The following MAP7D1 variants were observed in gnomAD, a reference collection of about 807,000 sequenced individuals.
MAP7D1 encodes MAP7 domain containing 1, also known as MAP7 domain-containing protein 1.
In MAP7D1, 30 loss-of-function variants were observed where a neutral mutation model predicts 97.5. That is an observed-to-expected ratio of 0.31 (90% CI 0.23 to 0.42). The LOEUF (loss-of-function observed/expected upper bound fraction) is 0.42, where lower values mean the gene tolerates loss of function less well. Ranked by LOEUF, MAP7D1 falls within the 10% of genes least tolerant of loss-of-function variation. MAP7D1 has a pLI of 1.00. For missense variants in MAP7D1, 1,184 were observed against 1,179.5 expected (o/e 1.00, Z -0.06); for synonymous variants, 536 against 477.1 (o/e 1.12, Z -1.61).
intron 1 of MAP7D1, among the ~76,000 whole-genome samples, chr1:36,168,260 A>G (rs1409063427): frequency 6.8e-6 from 1 of 147,512 alleles, no homozygotes; most frequent in Non-Finnish European, 1.5e-5. Flanking sequence ...GCACCACTGC[A>G]CTCCAGCCTG....
At position 36,178,088 on chromosome 1, in the gene MAP7D1, G is replaced by C. The variant is rs1320551427; in HGVS notation, c.1595G>C (p.Arg532Thr). 8 of 1,606,252 alleles carry C rather than the reference G, an allele frequency of 5.0e-6. No homozygotes were observed. The highest frequency in any genetic ancestry group is 1.3e-5 in the African/African-American group (1 of 74,894). Residue 532 changes from arginine to threonine, a missense_variant, in exon 9 of 17, where the codon AGG (arginine) becomes ACG (threonine). Physicochemically the swap from Arg to Thr is moderately conservative, Grantham distance 71. Transcript: ENST00000474796. ...GPEDKSQSKRRASNEKESAAP... is the reference protein window; with the variant it reads ...GPEDKSQSKRTASNEKESAAP... ...GAGGACAAGAGCCAGAGCAAGCGCA[G>C]GGCCAGTAACGAGAAGGAGTCAGCA...
intron 1 of MAP7D1, among the ~76,000 whole-genome samples, chr1:36,170,761 C>G (rs981019909): frequency 6.6e-6 from 1 of 152,198 alleles, no homozygotes; most frequent in Non-Finnish European, 1.5e-5. Flanking sequence ...TGTCTGTCTG[C>G]CCTGCTAGAG....
chr1:36,171,169 C>T lies in MAP7D1; in HGVS notation c.245C>T (p.Pro82Leu), dbSNP rs138447994. 1.3e-4 allele frequency: 210 copies of T among 1,613,854 alleles called. No homozygotes were observed. Among genetic ancestry groups the T allele is most frequent in the Middle Eastern group, 3.3e-4 (2 of 6,084 alleles). ...SGQVGPRPAP[P>L]QEESPSSEAK... ...CAGGTCGGGCCTAGGCCAGCCCCCC[C>T]GCAGGAAGAGTCCCCTTCCTCTGAA... Residue 82 changes from proline to leucine, a missense_variant, in exon 2 of 17, where the codon CCG (proline) becomes CTG (leucine). Coordinates refer to ENST00000474796, the MANE Select transcript of MAP7D1 (RefSeq NM_001388490.1).
intron 6 of MAP7D1, among the ~76,000 whole-genome samples, chr1:36,175,262 CAGG>C (rs1644602567): frequency 6.6e-6 from 1 of 152,256 alleles, no homozygotes; most frequent in South Asian, 2.1e-4. Context: ...GGAAGCCTGG[CAGG>C]AGCCTCAAGA....
At chr1:36,171,416 A>G in intron 2 of MAP7D1, 97 bp from the exon 3 acceptor site, 1 of 1,556,364 alleles carries the variant, frequency 6.4e-7, no homozygotes, top group Non-Finnish European at 8.8e-7. Flanking sequence ...AGAGGAGATA[A>G]AGAAAGGATG....
In MAP7D1 at chr1:36,156,322, G is replaced by A. The variant is rs1443059769; in HGVS notation, c.-96G>A. 2.3e-5 allele frequency: 25 copies of A among 1,078,382 alleles called. No individual in the cohort carries two copies. Among genetic ancestry groups the A allele is most frequent in the East Asian group, 3.2e-5 (1 of 31,060 alleles). The allele number at this position is 1,078,382 out of a possible 1,614,324, so 66.8% of individuals were successfully genotyped here. A position where few individuals can be genotyped will look rare whatever the true frequency, so the allele number is the denominator to read the frequency against. On this transcript the variant is annotated 5_prime_UTR_variant, in exon 1 of 17. Coordinates refer to ENST00000474796, the MANE Select transcript of MAP7D1 (RefSeq NM_001388490.1). ...GAGTCGCTACTTGCCGGGCCGGGCCGGGCCGGGCGTGATGCGCCGCGGGAC... is the reference window on the plus strand; with the variant it reads ...GAGTCGCTACTTGCCGGGCCGGGCCAGGCCGGGCGTGATGCGCCGCGGGAC...
chr1:36,175,103 CCT>C lies in MAP7D1; in HGVS notation c.850+97_850+98del. On this transcript the variant is annotated intron_variant, in intron 6 of 16. Transcript: ENST00000474796. ...AGCAAGAACACCAGGTCCCTGGAGC[CCT>C]CACATACTCCAGGTCCCCATCCCCA... The C allele has an allele frequency of 4.1e-6, 3 of 732,608 alleles. 1 individual carries two copies. In the South Asian group the frequency reaches 5.0e-5, roughly 12 times the overall value. 45.4% of individuals were successfully genotyped at this position (732,608 alleles called of 1,614,324 possible).
rs147791510 is a variant in MAP7D1, at chr1:36,172,712, C to T, written c.624+85C>T. 9,644 of 1,315,468 alleles carry T rather than the reference C, an allele frequency of 7.3e-3. 60 individuals are homozygous for T. The highest frequency in any genetic ancestry group is 8.6e-3 in the Non-Finnish European group (8,632 of 1,002,012). 81.5% of individuals were successfully genotyped at this position (1,315,468 alleles called of 1,614,324 possible). On this transcript the variant is annotated intron_variant, in intron 4 of 16. Coordinates refer to ENST00000474796, the MANE Select transcript of MAP7D1 (RefSeq NM_001388490.1). ...CAGTGTGTACACACATCCATGTTCA[C>T]GGCTCTGCCTTATCTGTGTCTATGT...
intron 1 of MAP7D1, among the ~76,000 whole-genome samples, chr1:36,162,410 G>A (rs1199042507): frequency 6.6e-6 from 1 of 152,206 alleles, no homozygotes; most frequent in Non-Finnish European, 1.5e-5. Context: ...CTTCTTCAGA[G>A]AACACGCAGG....
At position 36,164,609 on chromosome 1, in the gene MAP7D1, GAGCA is replaced by G. The variant is rs1644451910; in HGVS notation, c.47-6358_47-6355del. 3.3e-5 allele frequency among the ~76,000 whole-genome samples: 5 copies of G among 152,168 alleles called. No individual in the cohort carries two copies. In the South Asian group the frequency reaches 1.0e-3, roughly 31 times the overall value. On this transcript the variant is annotated intron_variant, in intron 1 of 16. Coordinates refer to ENST00000474796, the MANE Select transcript of MAP7D1 (RefSeq NM_001388490.1). Reference sequence around the variant, plus strand: ...AAGGTCAGTGTGGCTGGAGTTCAGAGAGCAAGCGGGGAGCAGGGTAGGAGAGGAG... The same window carrying G: ...AAGGTCAGTGTGGCTGGAGTTCAGAGAGCGGGGAGCAGGGTAGGAGAGGAG...
At position 36,179,119 on chromosome 1, in the gene MAP7D1, C is replaced by T. The variant is rs181369088; in HGVS notation, c.2130+94C>T. On this transcript the variant is annotated intron_variant, in intron 12 of 16. Coordinates refer to ENST00000474796, the MANE Select transcript of MAP7D1 (RefSeq NM_001388490.1). ...GCTTAGAGCGGACAGGACGGGAAAG[C>T]GCTGGGGCAAATTCCAGTTCCTGTC... 1.9e-5 allele frequency: 28 copies of T among 1,488,144 alleles called. No individual in the cohort carries two copies. The African/African-American group carries it at 2.4e-4, about 13-fold the overall frequency. 92.2% of individuals were successfully genotyped at this position (1,488,144 alleles called of 1,614,324 possible). A position where few individuals can be genotyped will look rare whatever the true frequency, so the allele number is the denominator to read the frequency against.
At chr1:36,156,557 C>T in intron 1 of MAP7D1, 94 bp downstream of exon 1, 1 of 1,048,234 alleles carries the variant, frequency 9.5e-7, no homozygotes, top group Non-Finnish European at 1.3e-6. Context: ...GGGGACCCCT[C>T]CGCTGCCGCG....
In MAP7D1 at chr1:36,176,788, C is replaced by T. The variant is rs1355819979; in HGVS notation, c.1325C>T (p.Ser442Leu). 5 of 1,597,614 alleles carry T rather than the reference C, an allele frequency of 3.1e-6. No individual in the cohort carries two copies. The highest frequency in any genetic ancestry group is 3.5e-5 in the Admixed American group (2 of 57,346). Residue 442 changes from serine to leucine, a missense_variant, in exon 8 of 17, where the codon TCG becomes TTG. Coordinates refer to ENST00000474796, the MANE Select transcript of MAP7D1 (RefSeq NM_001388490.1). This position sits in a 1 kb window ranked among gnomAD's most constrained non-coding sequence, Gnocchi z 6.1. The part of the protein sequence containing the change: ...ARERSLKKRQ[S>L]LPASPRARLS... ...GAGCGCAGCCTCAAGAAGCGCCAGTCGCTGCCCGCCTCCCCACGTGCCCGC... is the reference window on the plus strand; with the variant it reads ...GAGCGCAGCCTCAAGAAGCGCCAGTTGCTGCCCGCCTCCCCACGTGCCCGC...
At chr1:36,177,688 G>A (rs1644647401) in intron 8 of MAP7D1, 185 bp from the exon 9 acceptor site, 2 of 894,652 alleles carry the variant, frequency 2.2e-6, no homozygotes, top group Non-Finnish European at 1.7e-6. Flanking sequence ...GAATCCCACA[G>A]AAACATGTCA....
Position 36,178,236 on chromosome 1 carries a change from G to A in MAP7D1, c.1708+35G>A, listed in dbSNP as rs924207815. 6 of 1,505,526 alleles carry A rather than the reference G, an allele frequency of 4.0e-6. 1 individual carries two copies. Among genetic ancestry groups the A allele is most frequent in the Non-Finnish European group, 1.8e-6 (2 of 1,124,780 alleles). 93.3% of individuals were successfully genotyped at this position (1,505,526 alleles called of 1,614,324 possible). ...AAGAGAGGGGAGGGGTGGGCCGAGC[G>A]AGAGAAGCCAGCTTCTCCTGTGTGG... On this transcript the variant is annotated intron_variant, in intron 9 of 16. Transcript: ENST00000474796.
intron 4 of MAP7D1, among the ~76,000 whole-genome samples, chr1:36,172,920 G>A (rs1378857180): frequency 6.6e-6 from 1 of 152,256 alleles, no homozygotes; most frequent in East Asian, 1.9e-4. Context: ...GCATCTGTGT[G>A]AGCGTGCCTA....
At chr1:36,162,471 G>T (rs1644426241) in intron 1 of MAP7D1, among the ~76,000 whole-genome samples, 1 of 152,182 alleles carries the variant, frequency 6.6e-6, no homozygotes, top group South Asian at 2.1e-4. Context: ...CATGACATAA[G>T]GGTTTTAAGG....
intron 1 of MAP7D1, among the ~76,000 whole-genome samples, chr1:36,162,349 C>T (rs766948011): frequency 1.2e-4 from 18 of 152,338 alleles, no homozygotes; most frequent in Middle Eastern, 3.4e-3. Flanking sequence ...CCCACCTGCA[C>T]CCTTCACTTT....
intron 1 of MAP7D1, among the ~76,000 whole-genome samples, chr1:36,168,051 C>T (rs1644494329): frequency 6.6e-6 from 1 of 152,164 alleles, no homozygotes; most frequent in Non-Finnish European, 1.5e-5. Flanking sequence ...AATCCCAGCA[C>T]TTTGGGAGGC....
Sources: gnomAD v4.1 joint callset for allele counts (sites outside exome capture counted in the v4.1 genomes callset) on GRCh38, gnomAD v4.1.1 for gene constraint, Gnocchi (gnomAD v3.1) non-coding constraint, MANE v1.5 for transcripts, NCBI Gene and HGNC (gene_info 2026-07-23, HGNC 2026-07-21) for gene names.